Variants in BARD1 observed in about 807,000 individuals in gnomAD.
The protein encoded by BARD1 is BRCA1-associated RING domain protein 1.
A neutral mutation model predicts 77.0 loss-of-function variants in BARD1; 73 were observed. The observed-to-expected ratio is 0.95, with a 90% CI of 0.79 to 1.15. The LOEUF (loss-of-function observed/expected upper bound fraction) is 1.15, where lower values mean the gene tolerates loss of function less well. Among genes scored for constraint, BARD1 ranks in the 50% most tolerant of loss-of-function variants. The probability of loss-of-function intolerance (pLI) is 0.00; values close to 1 mark genes in which losing one functional copy is unlikely to be tolerated. For synonymous variants in BARD1, 384 were observed against 338.0 expected, an observed-to-expected ratio of 1.14 and a Z score of -1.49; for missense variants, 993 against 938.8, an observed-to-expected ratio of 1.06 and a Z score of -0.75.
intron 1 of BARD1, 101 bp from the exon 2 acceptor site, chr2:214,797,218 T>C (rs1695800982): frequency 8.4e-6 from 8 of 950,916 alleles, no homozygotes; most frequent in Non-Finnish European, 1.4e-5. Context: ...TATTTCTCAC[T>C]TTCTCAAAGC....
chr2:214,809,343 G>A lies in BARD1; in HGVS notation c.158+69C>T, dbSNP rs557842771. The A allele has an allele frequency of 6.1e-5, 97 of 1,592,688 alleles. No homozygotes were observed. The African/African-American group carries it at 1.2e-3, about 20-fold the overall frequency. On this transcript the variant is annotated intron_variant, in intron 1 of 10. Transcript: ENST00000260947. Reference sequence around the variant, plus strand: ...AAGGAGGAAACGGAAGATTTGAAAAGATTCTGCCGCCCCCAGAAACTGTGC... The same window carrying A: ...AAGGAGGAAACGGAAGATTTGAAAAAATTCTGCCGCCCCCAGAAACTGTGC...
chr2:214,797,276 T>A (rs1244721221), intron 1 of BARD1, among the ~76,000 whole-genome samples, 159 bp from the exon 2 acceptor site: 1 of 152,230 alleles, frequency 6.6e-6, no homozygotes, highest in Non-Finnish European at 1.5e-5. Context: ...ACTCCCTGGT[T>A]AAATATTGTA....
intron 6 of BARD1, among the ~76,000 whole-genome samples, chr2:214,754,817 T>C (rs1693619376): frequency 6.6e-6 from 1 of 152,158 alleles, no homozygotes; most frequent in East Asian, 1.9e-4. Flanking sequence ...ACATTACAAG[T>C]GCTACAGATG....
intron 7 of BARD1, among the ~76,000 whole-genome samples, chr2:214,751,001 G>A (rs1559392355): frequency 6.7e-6 from 1 of 150,074 alleles, no homozygotes; most frequent in Non-Finnish European, 1.5e-5. Flanking sequence ...TCTGTTACTG[G>A]CAGCCAACAG....
At chr2:214,793,458 T>C (rs1403828005) in intron 2 of BARD1, among the ~76,000 whole-genome samples, 2 of 152,190 alleles carry the variant, frequency 1.3e-5, no homozygotes, top group Non-Finnish European at 2.9e-5. Flanking sequence ...CAAAGGATCT[T>C]CTGTACATTT....
chr2:214,773,876 T>C (rs1286099143), intron 4 of BARD1, among the ~76,000 whole-genome samples: 1 of 152,220 alleles, frequency 6.6e-6, no homozygotes, highest in African/African-American at 2.4e-5. Flanking sequence ...TAGCATTTTA[T>C]CTGCGTAGAA....
At chr2:214,748,943 C>A (rs1313690218) in intron 7 of BARD1, among the ~76,000 whole-genome samples, 1 of 152,094 alleles carries the variant, frequency 6.6e-6, no homozygotes, top group Non-Finnish European at 1.5e-5. Flanking sequence ...AACAGAAGAG[C>A]CAGCCCCTGC....
intron 4 of BARD1, among the ~76,000 whole-genome samples, chr2:214,780,130 G>C (rs948675788): frequency 6.6e-6 from 1 of 152,176 alleles, no homozygotes; most frequent in African/African-American, 2.4e-5. Flanking sequence ...GAAATGTACA[G>C]ACCACATCTT....
chr2:214,775,181 G>A (rs1431294794), intron 4 of BARD1, among the ~76,000 whole-genome samples: 1 of 152,090 alleles, frequency 6.6e-6, no homozygotes, highest in Non-Finnish European at 1.5e-5. Context: ...TGGCTGTTTG[G>A]CAAGAGACCT....
chr2:214,732,172 ATCCCTACTTACT>A (rs1179068885), intron 9 of BARD1, among the ~76,000 whole-genome samples: 6 of 152,200 alleles, frequency 3.9e-5, no homozygotes, highest in Admixed American at 3.9e-4. Context: ...TGTCCAGCTG[ATCCCTACTTACT>A]TCAACAGTAA....
At chr2:214,771,374 G>A (rs763728140) in intron 4 of BARD1, among the ~76,000 whole-genome samples, 2 of 152,016 alleles carry the variant, frequency 1.3e-5, no homozygotes, top group Non-Finnish European at 2.9e-5. Context: ...TCCTCTGTTG[G>A]TTTGATAATG....
chr2:214,775,734 T>C (rs1225350210), intron 4 of BARD1, among the ~76,000 whole-genome samples: 1 of 152,206 alleles, frequency 6.6e-6, no homozygotes, highest in Non-Finnish European at 1.5e-5. Context: ...TCTGATAACC[T>C]GGTCAATGGC....
At chr2:214,769,401 A>G (rs1694372908) in intron 4 of BARD1, 89 bp from the exon 5 acceptor site, 3 of 1,016,228 alleles carry the variant, frequency 3.0e-6, no homozygotes, top group Non-Finnish European at 4.6e-6. Flanking sequence ...TCTTCAATAT[A>G]AAGTAAAACT....
intron 1 of BARD1, 27 bp downstream of exon 1, chr2:214,809,385 G>T (rs779971633): frequency 1.2e-6 from 2 of 1,611,602 alleles, no homozygotes; most frequent in Admixed American, 3.3e-5. Context: ...TGCCCTCGCA[G>T]CCACCCCCAA....
Position 214,754,927 on chromosome 2 carries a change from AAGT to A in BARD1, c.1569-2375_1569-2373del, listed in dbSNP as rs532193412. Reference sequence around the variant, plus strand: ...TTTGTCATGAACCATTAAAATTTGGAAGTAGATGTAAGTTTACATGTGGGACGT... The same window carrying A: ...TTTGTCATGAACCATTAAAATTTGGAAGATGTAAGTTTACATGTGGGACGT... On this transcript the variant is annotated intron_variant, in intron 6 of 10. Transcript: ENST00000260947. 5.6e-3 allele frequency among the ~76,000 whole-genome samples: 859 copies of A among 152,278 alleles called. 3 individuals carry two copies. Among genetic ancestry groups the A allele is most frequent in the Non-Finnish European group, 9.0e-3 (612 of 68,010 alleles).
rs1261925788 is a variant in BARD1 at position 214,781,468 on chromosome 2, C to A, written c.406G>T (p.Ala136Ser). The A allele has an allele frequency of 1.9e-6, 3 of 1,612,046 alleles. No individual in the cohort carries two copies. The highest frequency in any genetic ancestry group is 1.7e-6 in the Non-Finnish European group (2 of 1,179,550). Residue 136 changes from alanine (A) to serine (S), a missense_variant, in exon 4 of 11, where the codon GCA (alanine) becomes TCA (serine). Physicochemically the swap from Ala to Ser is moderately conservative, Grantham distance 99 (BLOSUM62 1). Coordinates refer to ENST00000260947, the MANE Select transcript of BARD1 (RefSeq NM_000465.4). ...TTAATTGAATTCTTCTTGTTTCCTG[C>A]ATCATTAAACAAACTTTTCCTAGGT... ...DKPRKSLFND[A>S]GNKKNSIKMW...
intron 7 of BARD1, among the ~76,000 whole-genome samples, chr2:214,749,529 C>CT (rs1489733422): frequency 1.3e-5 from 2 of 152,088 alleles, no homozygotes; most frequent in African/African-American, 2.4e-5. Flanking sequence ...GGCACTGCCA[C>CT]CCCCAGACTC....
intron 6 of BARD1, among the ~76,000 whole-genome samples, chr2:214,761,221 G>C (rs1014177458): frequency 4.0e-5 from 6 of 151,560 alleles, no homozygotes; most frequent in African/African-American, 7.3e-5. Context: ...GTTATGCTAA[G>C]TTGGCAGGGG....
intron 4 of BARD1, among the ~76,000 whole-genome samples, chr2:214,772,563 A>G (rs1694554161): frequency 6.6e-6 from 1 of 152,220 alleles, no homozygotes; most frequent in African/African-American, 2.4e-5. Flanking sequence ...GAATACAAGT[A>G]GACTCTCTTT....
Sources: gnomAD v4.1 joint callset for allele counts (sites outside exome capture counted in the v4.1 genomes callset) on GRCh38, gnomAD v4.1.1 for gene constraint, MANE v1.5 for transcripts, NCBI Gene and HGNC (gene_info 2026-07-23, HGNC 2026-07-21) for gene names.